The following WDPCP variants were observed in gnomAD, a reference collection of about 807,000 sequenced individuals.
WDPCP encodes the protein WD repeat containing planar cell polarity effector.
WDPCP carries 71 observed loss-of-function variants against 93.1 expected under a neutral mutation model. The ratio of observed to expected loss-of-function variants is 0.76; its 90% confidence interval spans 0.63 to 0.93. The LOEUF (loss-of-function observed/expected upper bound fraction) is 0.93, where lower values mean the gene tolerates loss of function less well. WDPCP is among the 40% of genes least tolerant of loss of function. The pLI is 0.00. For synonymous variants in WDPCP, 315 were observed against 315.0 expected (o/e 1.00, Z 0.00); for missense variants, 844 against 887.4 (o/e 0.95, Z 0.62).
chr2:63,157,588 A>T (rs1672348017), intron 15 of WDPCP, among the ~76,000 whole-genome samples: 1 of 151,708 alleles, frequency 6.6e-6, no homozygotes, highest in Non-Finnish European at 1.5e-5. Flanking sequence ...GATTCAGATG[A>T]TCTCTTTCAT....
chr2:63,640,144 G>T (rs1709965551), intron 3 of WDPCP, among the ~76,000 whole-genome samples: 1 of 152,080 alleles, frequency 6.6e-6, no homozygotes, highest in Non-Finnish European at 1.5e-5. Context: ...GAGTAGCTGG[G>T]ACTACAGGCG....
chr2:63,364,326 C>T (rs193046743), intron 12 of WDPCP, among the ~76,000 whole-genome samples: 5 of 152,292 alleles, frequency 3.3e-5, no homozygotes, highest in African/African-American at 9.6e-5. Flanking sequence ...TCTCGGGTCA[C>T]ACTTCTAGAT....
intron 9 of WDPCP, among the ~76,000 whole-genome samples, chr2:63,414,472 T>TACACACAC (rs146569752): frequency 2.0e-3 from 295 of 148,882 alleles, no homozygotes; most frequent in Non-Finnish European, 2.6e-3. Context: ...CACACACATA[T>TACACACAC]ACACACACAC....
intron 10 of WDPCP, 34 bp from the exon 11 acceptor site, chr2:63,382,128 TTAAAA>T (rs1413815861): frequency 6.3e-7 from 1 of 1,589,250 alleles, no homozygotes; most frequent in Non-Finnish European, 8.6e-7. Flanking sequence ...GGTGAATCTT[TTAAAA>T]TAAAATAGAA....
intron 13 of WDPCP, among the ~76,000 whole-genome samples, chr2:63,266,815 A>G (rs1208882843): frequency 6.6e-6 from 1 of 152,120 alleles, no homozygotes; most frequent in Non-Finnish European, 1.5e-5. Context: ...CAATCAATCA[A>G]TCAATCAATA....
intron 13 of WDPCP, among the ~76,000 whole-genome samples, chr2:63,267,688 A>G (rs1205496898): frequency 6.6e-6 from 1 of 152,202 alleles, no homozygotes; most frequent in Non-Finnish European, 1.5e-5. Flanking sequence ...ACATTTCTCA[A>G]AAGAGAGGTA....
chr2:63,536,970 G>A (rs1704333368), intron 1 of WDPCP, among the ~76,000 whole-genome samples: 1 of 151,978 alleles, frequency 6.6e-6, no homozygotes, highest in South Asian at 2.1e-4. Context: ...GTTTCGCCAT[G>A]TTGGCCTGGC....
intron 14 of WDPCP, among the ~76,000 whole-genome samples, chr2:63,246,617 A>G (rs1431740281): frequency 6.6e-6 from 1 of 152,184 alleles, no homozygotes; most frequent in African/African-American, 2.4e-5. Flanking sequence ...TGCTGTTGCC[A>G]ACACTTTGAA....
intron 6 of WDPCP, among the ~76,000 whole-genome samples, chr2:63,443,711 A>G (rs575042621): frequency 1.4e-4 from 22 of 152,206 alleles, no homozygotes; most frequent in Non-Finnish European, 3.1e-4. Context: ...AGCCTATTGC[A>G]GTGGTTGAGG....
At chr2:63,366,001 A>AGACTT (rs1305592769) in intron 12 of WDPCP, among the ~76,000 whole-genome samples, 1 of 152,292 alleles carries the variant, frequency 6.6e-6, no homozygotes, top group South Asian at 2.1e-4. Context: ...TAGGGAACTG[A>AGACTT]GACTTGACTT....
At chr2:63,230,596 C>A (rs1448144113) in intron 14 of WDPCP, among the ~76,000 whole-genome samples, 2 of 152,136 alleles carry the variant, frequency 1.3e-5, no homozygotes, top group African/African-American at 4.8e-5. Flanking sequence ...TCTCCAGCAC[C>A]TATTGTTTCC....
intron 3 of WDPCP, among the ~76,000 whole-genome samples, chr2:63,617,890 T>G (rs1314763167): frequency 6.6e-6 from 1 of 152,244 alleles, no homozygotes; most frequent in Non-Finnish European, 1.5e-5. Context: ...TATGCATATA[T>G]GTACACATTT....
At chr2:63,572,509 C>T (rs1431747396) in intron 1 of WDPCP, among the ~76,000 whole-genome samples, 2 of 151,460 alleles carry the variant, frequency 1.3e-5, no homozygotes, top group South Asian at 2.1e-4. Context: ...TTGAGACCAG[C>T]CTGGTCAACA....
In WDPCP at chr2:63,439,824, C is replaced by A. The variant is rs375615054; in HGVS notation, c.432G>T (p.Pro144=). The change falls in exon 7 of 18, where the codon CCG becomes CCT. Residue 144 remains proline, a synonymous_variant. Transcript: ENST00000272321. ...GVLVSLSLSG[P]QLEKVVIDRS... ...TGTCAATCACCACTTTCTCCAGCTG[C>A]GGCCCAGAAAGGCTTAGAGACACCA... is the stretch of plus-strand genomic sequence containing the variant. 1 of 1,613,032 alleles carries A rather than the reference C, an allele frequency of 6.2e-7. No individual in the cohort carries two copies. The highest frequency in any genetic ancestry group is 8.5e-7 in the Non-Finnish European group (1 of 1,179,406).
At position 63,121,850 on chromosome 2, in the gene WDPCP, C is replaced by A; in HGVS notation, c.*156G>T. 7.1e-7 allele frequency: 1 copy of A among 1,410,104 alleles called. No individual in the cohort carries two copies. The highest frequency in any genetic ancestry group is 9.3e-7 in the Non-Finnish European group (1 of 1,076,106). The allele number at this position is 1,410,104 out of a possible 1,614,324, so 87.3% of individuals were successfully genotyped here. A position where few individuals can be genotyped will look rare whatever the true frequency, so the allele number is the denominator to read the frequency against. ...GCTGCATGTTTTTGAAATAATAAAACTTTATTTTGAAAACAAACACTCAAC... is the reference window on the plus strand; with the variant it reads ...GCTGCATGTTTTTGAAATAATAAAAATTTATTTTGAAAACAAACACTCAAC... On this transcript the variant is annotated 3_prime_UTR_variant, in exon 18 of 18. Coordinates refer to ENST00000272321, the MANE Select transcript of WDPCP (RefSeq NM_015910.7).
chr2:63,829,099 G>A (rs774367761), upstream of WDPCP, among the ~76,000 whole-genome samples: 8 of 152,016 alleles, frequency 5.3e-5, no homozygotes, highest in Non-Finnish European at 1.2e-4. Context: ...ACATAAAAAT[G>A]CAGCCAAACA....
At chr2:63,355,946 A>C (rs1484476349) in intron 12 of WDPCP, among the ~76,000 whole-genome samples, 1 of 152,100 alleles carries the variant, frequency 6.6e-6, no homozygotes, top group East Asian at 1.9e-4. Context: ...AATGTAACCA[A>C]GCCAAATGCC....
Position 63,819,984 on chromosome 2 carries a change from T to C in WDPCP, n.223-6277A>G, listed in dbSNP as rs545857200. Among the ~76,000 whole-genome samples, 310 of 152,326 alleles carry C rather than the reference T, an allele frequency of 2.0e-3. 4 individuals are homozygous for C. The highest frequency in any genetic ancestry group is 2.8e-3 in the Non-Finnish European group (189 of 68,020). On this transcript the variant is annotated intron_variant and non_coding_transcript_variant, in intron 1 of 4. Coordinates refer to the WDPCP transcript ENST00000467687. ...GACTCTGGCAGTTGCTTTTAGTCCC[T>C]GAGTTGCTCCAGTAAGGAACTGTGG...
At chr2:63,744,525 C>T (rs1283389124) in intron 2 of WDPCP, among the ~76,000 whole-genome samples, 1 of 152,138 alleles carries the variant, frequency 6.6e-6, no homozygotes, top group Non-Finnish European at 1.5e-5. Flanking sequence ...GGACACAGAA[C>T]TCAGACTCTC....
Sources: gnomAD v4.1 joint callset for allele counts (sites outside exome capture counted in the v4.1 genomes callset) on GRCh38, gnomAD v4.1.1 for gene constraint, MANE v1.5 for transcripts, NCBI Gene and HGNC (gene_info 2026-07-23, HGNC 2026-07-21) for gene names.